PLXNC1: variants seen among roughly 807,000 people sequenced by gnomAD.
The protein encoded by PLXNC1 is plexin C1, also known as plexin-C1.
A neutral mutation model predicts 178.2 loss-of-function variants in PLXNC1; 75 were observed. The ratio of observed to expected loss-of-function variants is 0.42; its 90% CI spans 0.35 to 0.51. The LOEUF is 0.51. Ranked by LOEUF, PLXNC1 falls within the 20% of genes least tolerant of loss-of-function variation. The pLI is 0.02. For synonymous variants in PLXNC1, 790 were observed against 779.9 expected, an observed-to-expected ratio of 1.01 and a Z score of -0.22; for missense variants, 1,503 against 1,984.4, an observed-to-expected ratio of 0.76 and a Z score of 4.61.
At chr12:94,199,160 A>T (rs549422709) in intron 4 of PLXNC1, among the ~76,000 whole-genome samples, 4 of 152,308 alleles carry the variant, frequency 2.6e-5, no homozygotes, top group East Asian at 3.9e-4. Flanking sequence ...ACCCAAAGGG[A>T]CCCACTCAGT....
chr12:94,234,961 C>A (rs1466824748), intron 9 of PLXNC1, among the ~76,000 whole-genome samples: 1 of 152,154 alleles, frequency 6.6e-6, no homozygotes, highest in Non-Finnish European at 1.5e-5. Flanking sequence ...CCATACAGGG[C>A]AGCCATGGAG....
chr12:94,162,034 A>G (rs1367306328), intron 1 of PLXNC1, among the ~76,000 whole-genome samples: 3 of 152,262 alleles, frequency 2.0e-5, no homozygotes, highest in Non-Finnish European at 4.4e-5. Context: ...AGAATACAAT[A>G]CTATTGGAGA....
Position 94,149,190 on chromosome 12 carries a change from G to A in PLXNC1, c.219G>A (p.Glu73=). ...TGGACCAGCTGGACTACAGCCTGGA[G>A]CACAGCCTCTCGCGCCTGTACCGGG... ...SCLDQLDYSL[E]HSLSRLYRDQ... is the part of the protein sequence containing the mutation. The change falls in exon 1 of 31, where the codon GAG becomes GAA. Residue 73 remains glutamate (E), a synonymous_variant. Coordinates refer to ENST00000258526, the MANE Select transcript of PLXNC1 (RefSeq NM_005761.3). The A allele has an allele frequency of 6.3e-7, 1 of 1,588,944 alleles. No homozygotes were observed. The highest frequency in any genetic ancestry group is 2.4e-5 in the East Asian group (1 of 42,048).
chr12:94,217,856 G>C (rs984207284), intron 5 of PLXNC1, among the ~76,000 whole-genome samples: 2 of 152,140 alleles, frequency 1.3e-5, no homozygotes, highest in African/African-American at 4.8e-5. Context: ...TAGCTGTTTG[G>C]TTCACTGGTA....
intron 18 of PLXNC1, 46 bp from the exon 19 acceptor site, chr12:94,259,562 CTT>C: frequency 7.3e-7 from 1 of 1,377,562 alleles, no homozygotes; most frequent in Non-Finnish European, 9.8e-7. Context: ...TAACTTTAAA[CTT>C]ATATATGATT....
rs1248264963 is a variant in PLXNC1, at chr12:94,156,055, GT to G, written c.1062+6023del. On this transcript the variant is annotated intron_variant, in intron 1 of 30. Transcript: ENST00000258526. ...GCTACCAGTTACCAGTTGTGGGACT[GT>G]AGACAAATTATTCAACCTTTCTGTG... Among the ~76,000 whole-genome samples the G allele has an allele frequency of 4.6e-4, 70 of 152,324 alleles. 1 individual carries two copies. Among genetic ancestry groups the G allele is most frequent in the East Asian group, 4.4e-3 (23 of 5,186 alleles).
rs1379355801 is a variant in PLXNC1, at chr12:94,150,012, C to A, written c.1041C>A (p.Phe347Leu). Residue 347 changes from phenylalanine (F) to leucine (L), a missense_variant, in exon 1 of 31, where the codon TTC (phenylalanine) becomes TTA (leucine). Phe to Leu is a conservative substitution (Grantham distance 22, BLOSUM62 0). Coordinates refer to ENST00000258526, the MANE Select transcript of PLXNC1 (RefSeq NM_005761.3). ...GCGCCAAGAGGGTCAGCTGGGACTT[C>A]AAGACGGCCGAGAGCCACTGCGTAA... ...QARAKRVSWDFKTAESHCKEG... is the reference protein window; with the variant it reads ...QARAKRVSWDLKTAESHCKEG... The A allele has an allele frequency of 1.3e-6, 2 of 1,596,276 alleles. No homozygotes were observed.
chr12:94,178,555 A>G (rs779057098), intron 2 of PLXNC1, among the ~76,000 whole-genome samples: 6 of 152,228 alleles, frequency 3.9e-5, no homozygotes, highest in Non-Finnish European at 8.8e-5. Context: ...CAGCTAATGA[A>G]TTAGAGACGG....
chr12:94,217,851 G>A (rs913149878), intron 5 of PLXNC1, among the ~76,000 whole-genome samples: 1 of 152,166 alleles, frequency 6.6e-6, no homozygotes, highest in Non-Finnish European at 1.5e-5. Flanking sequence ...GACCATAGCT[G>A]TTTGGTTCAC....
chr12:94,267,205 T>C (rs1965290777), intron 21 of PLXNC1, among the ~76,000 whole-genome samples: 2 of 152,158 alleles, frequency 1.3e-5, no homozygotes, highest in South Asian at 2.1e-4. Flanking sequence ...ATTTCAGTCA[T>C]GAGACAACAC....
intron 1 of PLXNC1, among the ~76,000 whole-genome samples, chr12:94,157,055 A>G (rs1158442877): frequency 6.6e-6 from 1 of 152,186 alleles, no homozygotes; most frequent in Non-Finnish European, 1.5e-5. Flanking sequence ...CTAACTGGCA[A>G]TGACTTTCTG....
intron 3 of PLXNC1, among the ~76,000 whole-genome samples, chr12:94,183,607 A>T (rs1457398120): frequency 6.6e-6 from 1 of 152,162 alleles, no homozygotes; most frequent in African/African-American, 2.4e-5. Flanking sequence ...TCCTTAATCC[A>T]TGCGTGTTTT....
intron 4 of PLXNC1, among the ~76,000 whole-genome samples, chr12:94,203,344 G>A (rs1038754863): frequency 1.3e-5 from 2 of 152,166 alleles, no homozygotes; most frequent in African/African-American, 4.8e-5. Context: ...GCATCTACAA[G>A]GCTCTGAGAA....
intron 9 of PLXNC1, among the ~76,000 whole-genome samples, chr12:94,233,723 C>A (rs1293860270): frequency 6.6e-6 from 1 of 152,140 alleles, no homozygotes; most frequent in African/African-American, 2.4e-5. Flanking sequence ...AATGGATAAC[C>A]ATTTTGTTCC....
intron 2 of PLXNC1, among the ~76,000 whole-genome samples, chr12:94,175,132 CGT>C (rs1356661324): frequency 6.6e-6 from 1 of 152,054 alleles, no homozygotes; most frequent in African/African-American, 2.4e-5. Context: ...CAGGCATGCA[CGT>C]GTGTGTATAT....
Position 94,220,129 on chromosome 12 carries a change from C to T in PLXNC1, c.1668C>T (p.Cys556=). ...CQNKSQPNRT[C]TCSIPTRATY... The stretch of plus-strand genomic sequence containing the variant: ...ATAAAAGTCAGCCCAACCGGACCTG[C>T]ACCTGTAGCATCCCAACCAGAGCAA... Residue 556 remains cysteine (C), a synonymous_variant, in exon 6 of 31, where the codon TGC becomes TGT. Coordinates refer to ENST00000258526, the MANE Select transcript of PLXNC1 (RefSeq NM_005761.3). 2 of 1,614,092 alleles carry T rather than the reference C, an allele frequency of 1.2e-6. No individual in the cohort carries two copies. The highest frequency in any genetic ancestry group is 1.7e-6 in the Non-Finnish European group (2 of 1,179,964).
chr12:94,203,713 T>TG (rs1963210258), intron 4 of PLXNC1, among the ~76,000 whole-genome samples: 1 of 152,200 alleles, frequency 6.6e-6, no homozygotes, highest in Non-Finnish European at 1.5e-5. Flanking sequence ...CTTCATGGGC[T>TG]GGTTGTGAGG....
intron 20 of PLXNC1, among the ~76,000 whole-genome samples, chr12:94,264,878 A>C (rs186299656): frequency 3.3e-5 from 5 of 152,372 alleles, no homozygotes; most frequent in Admixed American, 1.3e-4. Flanking sequence ...GCAGATGTGC[A>C]TTCGCGATGG....
At chr12:94,219,983 T>G in intron 5 of PLXNC1, 33 bp from the exon 6 acceptor site, 1 of 1,597,570 alleles carries the variant, frequency 6.3e-7, no homozygotes, top group Non-Finnish European at 8.5e-7. Flanking sequence ...GAGGCAAAAA[T>G]CATCATTTTT....
Sources: gnomAD v4.1 joint callset for allele counts (sites outside exome capture counted in the v4.1 genomes callset) on GRCh38, gnomAD v4.1.1 for gene constraint, MANE v1.5 for transcripts, NCBI Gene and HGNC (gene_info 2026-07-23, HGNC 2026-07-21) for gene names.